SHISA6: variants seen among roughly 807,000 people sequenced by gnomAD.
SHISA6 encodes shisa family member 6.
SHISA6 carries 22 observed loss-of-function variants against 47.9 expected under a neutral mutation model. The ratio of observed to expected loss-of-function variants is 0.46; its 90% CI spans 0.33 to 0.66. The LOEUF (loss-of-function observed/expected upper bound fraction) is 0.66. Among genes scored for constraint, SHISA6 ranks in the 30% least tolerant of loss-of-function variants. The probability of loss-of-function intolerance (pLI) is 0.02; values close to 1 mark genes in which losing one functional copy is unlikely to be tolerated. For synonymous variants in SHISA6, 388 were observed against 337.8 expected (o/e 1.15, Z -1.63); for missense variants, 680 against 764.6 (o/e 0.89, Z 1.30).
At chr17:11,542,099 C>T (rs1455964625) in intron 3 of SHISA6, among the ~76,000 whole-genome samples, 1 of 152,168 alleles carries the variant, frequency 6.6e-6, no homozygotes, top group Non-Finnish European at 1.5e-5. Flanking sequence ...TTGCCCAGAG[C>T]TGCTCCACCC....
At chr17:11,277,175 G>A (rs985380636) in intron 2 of SHISA6, among the ~76,000 whole-genome samples, 23 of 151,480 alleles carry the variant, frequency 1.5e-4, no homozygotes, top group Non-Finnish European at 1.0e-4. Flanking sequence ...TCCAGTGGAC[G>A]TTGCCAGAGT....
chr17:11,373,373 T>C (rs1278361255), intron 2 of SHISA6, among the ~76,000 whole-genome samples: 3 of 151,122 alleles, frequency 2.0e-5, no homozygotes, highest in East Asian at 2.0e-4. Flanking sequence ...CATCTATCCA[T>C]CCATCATTTA....
intron 2 of SHISA6, among the ~76,000 whole-genome samples, chr17:11,328,266 C>T (rs141295771): frequency 6.6e-6 from 1 of 152,304 alleles, no homozygotes; most frequent in Non-Finnish European, 1.5e-5. Flanking sequence ...TCCCTCCCAC[C>T]TCTGTGGGCT....
At chr17:11,523,972 A>G (rs1306915183) in intron 3 of SHISA6, among the ~76,000 whole-genome samples, 1 of 152,016 alleles carries the variant, frequency 6.6e-6, no homozygotes, top group Non-Finnish European at 1.5e-5. Context: ...ACGCCATTGC[A>G]CTCCAGCCTA....
At position 11,557,923 on chromosome 17, in the gene SHISA6, G is replaced by A. The variant is rs374125740; in HGVS notation, c.1275G>A (p.Pro425=). ...RAMSQDRVLS[P]DRGLPDEFSM... ...TGTCCCAGGACAGGGTCCTGTCCCCGGATCGGGGCCTGCCAGATGAGTTCA... is the reference window on the plus strand; with the variant it reads ...TGTCCCAGGACAGGGTCCTGTCCCCAGATCGGGGCCTGCCAGATGAGTTCA... Residue 425 remains proline, a synonymous_variant, in exon 6 of 6, where the codon CCG becomes CCA. Coordinates refer to ENST00000441885, the MANE Select transcript of SHISA6 (RefSeq NM_207386.4). The A allele has an allele frequency of 2.5e-5, 39 of 1,551,594 alleles. No individual in the cohort carries two copies. The highest frequency in any genetic ancestry group is 1.7e-4 in the Middle Eastern group (1 of 5,992).
chr17:11,556,607 A>G (rs1029112237), intron 5 of SHISA6, among the ~76,000 whole-genome samples: 1 of 152,070 alleles, frequency 6.6e-6, no homozygotes. Context: ...ATTTGCTTGA[A>G]AGCTTCAGGG....
At chr17:11,541,293 C>T (rs530180975) in intron 3 of SHISA6, among the ~76,000 whole-genome samples, 2 of 152,314 alleles carry the variant, frequency 1.3e-5, no homozygotes, top group East Asian at 3.9e-4. Flanking sequence ...CACATCCACA[C>T]AACCCTCAGG....
chr17:11,367,561 C>T (rs879144058), intron 2 of SHISA6, among the ~76,000 whole-genome samples: 2 of 152,174 alleles, frequency 1.3e-5, no homozygotes, highest in African/African-American at 4.8e-5. Context: ...CCCTTTGAAA[C>T]TTGTGGTTCT....
chr17:11,269,801 CAG>C (rs1385851047), intron 2 of SHISA6, among the ~76,000 whole-genome samples: 1 of 152,130 alleles, frequency 6.6e-6, no homozygotes, highest in African/African-American at 2.4e-5. Flanking sequence ...CTGAGGCACA[CAG>C]GGGTCACTTA....
intron 3 of SHISA6, among the ~76,000 whole-genome samples, chr17:11,491,197 A>T (rs1329182606): frequency 6.6e-6 from 1 of 152,130 alleles, no homozygotes; most frequent in African/African-American, 2.4e-5. Flanking sequence ...CCTGGAGGGG[A>T]GTCATATTGT....
chr17:11,344,225 C>G (rs1011074513), intron 2 of SHISA6, among the ~76,000 whole-genome samples: 5 of 152,084 alleles, frequency 3.3e-5, no homozygotes, highest in Admixed American at 6.5e-5. Flanking sequence ...GGATACAAGT[C>G]CTTTATCACA....
intron 2 of SHISA6, among the ~76,000 whole-genome samples, chr17:11,292,486 T>G (rs761037491): frequency 6.6e-6 from 1 of 152,086 alleles, no homozygotes; most frequent in Non-Finnish European, 1.5e-5. Flanking sequence ...AATATACGAA[T>G]TTGGGGGAGC....
chr17:11,477,098 C>A (rs762185247), intron 3 of SHISA6, among the ~76,000 whole-genome samples: 1 of 152,114 alleles, frequency 6.6e-6, no homozygotes. Context: ...TCTTTTCATT[C>A]GTATTAACAT....
At chr17:11,545,892 AAG>A (rs2071879263) in intron 3 of SHISA6, among the ~76,000 whole-genome samples, 1 of 152,196 alleles carries the variant, frequency 6.6e-6, no homozygotes, top group Admixed American at 6.5e-5. Flanking sequence ...TGCCAAAAGA[AAG>A]AGAGCCAGGT....
intron 3 of SHISA6, among the ~76,000 whole-genome samples, chr17:11,526,197 A>C (rs2142367142): frequency 6.6e-6 from 1 of 151,986 alleles, no homozygotes; most frequent in South Asian, 2.1e-4. Context: ...CCTTTTCTAA[A>C]GTTCTCTCTG....
At chr17:11,352,546 G>A (rs1911924202) in intron 2 of SHISA6, among the ~76,000 whole-genome samples, 1 of 152,212 alleles carries the variant, frequency 6.6e-6, no homozygotes, top group African/African-American at 2.4e-5. Flanking sequence ...CAGCAGTGGA[G>A]TAAGTCTTGC....
chr17:11,260,209 A>C (rs187556553), intron 1 of SHISA6, among the ~76,000 whole-genome samples: 65 of 152,266 alleles, frequency 4.3e-4, no homozygotes, highest in Non-Finnish European at 4.4e-5. Flanking sequence ...CTCACCACAC[A>C]CCCGAGAAAG....
At chr17:11,467,004 C>G (rs1424704632) in intron 3 of SHISA6, among the ~76,000 whole-genome samples, 1 of 152,072 alleles carries the variant, frequency 6.6e-6, no homozygotes, top group Non-Finnish European at 1.5e-5. Flanking sequence ...TCTTTGTCAC[C>G]CCTCTCAGTA....
At chr17:11,518,472 C>T (rs2071603164) in intron 3 of SHISA6, among the ~76,000 whole-genome samples, 1 of 152,172 alleles carries the variant, frequency 6.6e-6, no homozygotes, top group Non-Finnish European at 1.5e-5. Context: ...AACACATACA[C>T]ACATACACAC....
Sources: allele counts gnomAD v4.1 joint callset (sites outside exome capture counted in the v4.1 genomes callset), GRCh38; gene constraint gnomAD v4.1.1; transcripts MANE v1.5; gene names NCBI Gene and HGNC (gene_info 2026-07-23, HGNC 2026-07-21).